SLC44A1: variants seen among roughly 807,000 people sequenced by gnomAD.
SLC44A1 encodes the protein solute carrier family 44 member 1, also known as choline transporter-like protein 1.
In SLC44A1, 26 loss-of-function variants were observed where a neutral mutation model predicts 79.3. The ratio of observed to expected loss-of-function variants is 0.33; its 90% CI spans 0.24 to 0.46. SLC44A1 has a LOEUF of 0.46. Ranked by LOEUF, SLC44A1 falls within the 20% of genes least tolerant of loss-of-function variation. The pLI is 1.00. For synonymous variants in SLC44A1, 263 were observed against 286.2 expected, an observed-to-expected ratio of 0.92 and a Z score of 0.82; for missense variants, 688 against 798.1, an observed-to-expected ratio of 0.86 and a Z score of 1.66.
chr9:105,406,840 A>G (rs2131503252), intron 15 of SLC44A1, among the ~76,000 whole-genome samples: 1 of 152,342 alleles, frequency 6.6e-6, no homozygotes, highest in Non-Finnish European at 1.5e-5. Context: ...AAATATGCTC[A>G]AAGACACAAA....
chr9:105,406,022 G>A (rs1410823251), intron 15 of SLC44A1, among the ~76,000 whole-genome samples: 2 of 152,126 alleles, frequency 1.3e-5, no homozygotes, highest in East Asian at 1.9e-4. Context: ...CTAACCTTTC[G>A]ATGCAAGCAG....
At position 105,244,859 on chromosome 9, in the gene SLC44A1, C is replaced by G; in HGVS notation, c.-10C>G. 8.8e-7 allele frequency: 1 copy of G among 1,141,448 alleles called. No homozygotes were observed. The highest frequency in any genetic ancestry group is 1.1e-6 in the Non-Finnish European group (1 of 931,610). The allele number at this position is 1,141,448 out of a possible 1,614,324, so 70.7% of individuals were successfully genotyped here. ...GCCCGGCGCCGCCTCCGGGCTCCTT[C>G]GGCCCCGCCATGGGCTGCTGCAGCT... On this transcript the variant is annotated 5_prime_UTR_variant, in exon 1 of 16. Coordinates refer to ENST00000374720, the MANE Select transcript of SLC44A1 (RefSeq NM_080546.5).
intron 1 of SLC44A1, among the ~76,000 whole-genome samples, chr9:105,286,009 G>C (rs1218729708): frequency 6.6e-6 from 1 of 152,174 alleles, no homozygotes; most frequent in African/African-American, 2.4e-5. Flanking sequence ...GCTGAGATGG[G>C]AGAATCACTT....
chr9:105,352,312 T>C lies in SLC44A1; in HGVS notation c.500+3861T>C, dbSNP rs558615142. ...ATAACCTGAGGTTCTAGAGTAATTA[T>C]ATGAGATGCAGACCCCTGCCTTCTT... On this transcript the variant is annotated intron_variant, in intron 5 of 15. Transcript: ENST00000374720. Among the ~76,000 whole-genome samples the C allele has an allele frequency of 3.3e-5, 5 of 152,284 alleles. 1 individual carries two copies. The South Asian group carries it at 1.0e-3, about 32-fold the overall frequency.
In SLC44A1 at chr9:105,433,168, C is replaced by T. The variant is rs558997296; in HGVS notation, c.1951-5113C>T. Reference sequence around the variant, plus strand: ...AAAATTAGCCGGGTATGGTAGTGTGCGCCTGTAATCCCAGCTACTCGGGAG... The same window carrying T: ...AAAATTAGCCGGGTATGGTAGTGTGTGCCTGTAATCCCAGCTACTCGGGAG... On this transcript the variant is annotated intron_variant, in intron 15 of 15. Coordinates refer to the SLC44A1 transcript ENST00000374724. Among the ~76,000 whole-genome samples, 872 of 151,930 alleles carry T rather than the reference C, an allele frequency of 5.7e-3. 15 individuals carry two copies. Among genetic ancestry groups the T allele is most frequent in the Non-Finnish European group, 3.2e-3 (218 of 67,976 alleles).
At chr9:105,332,005 T>A (rs1352598373) in intron 3 of SLC44A1, among the ~76,000 whole-genome samples, 1 of 152,136 alleles carries the variant, frequency 6.6e-6, no homozygotes, top group African/African-American at 2.4e-5. Flanking sequence ...GTTAATAGAA[T>A]CTGAACCTAA....
At chr9:105,412,944 A>G (rs1829116956) in intron 15 of SLC44A1, among the ~76,000 whole-genome samples, 1 of 152,154 alleles carries the variant, frequency 6.6e-6, no homozygotes, top group Non-Finnish European at 1.5e-5. Flanking sequence ...CACCTGGAAT[A>G]TAAATGAATG....
chr9:105,376,063 A>G (rs923117362), intron 13 of SLC44A1, among the ~76,000 whole-genome samples: 7 of 152,176 alleles, frequency 4.6e-5, no homozygotes, highest in Middle Eastern at 3.4e-3. Flanking sequence ...ACCAAATACT[A>G]TTTGTAAACA....
chr9:105,411,692 C>T (rs1041421665), intron 15 of SLC44A1, among the ~76,000 whole-genome samples: 2 of 152,026 alleles, frequency 1.3e-5, no homozygotes, highest in African/African-American at 4.8e-5. Flanking sequence ...AAGAGTCAGG[C>T]CATTTATTTT....
chr9:105,426,976 C>T (rs1342241348), intron 15 of SLC44A1, among the ~76,000 whole-genome samples: 3 of 151,382 alleles, frequency 2.0e-5, no homozygotes, highest in African/African-American at 7.3e-5. Flanking sequence ...TGCTTTGTTG[C>T]CCAGGCTGGA....
At chr9:105,309,064 A>T (rs994739410) in intron 2 of SLC44A1, among the ~76,000 whole-genome samples, 41 of 152,294 alleles carry the variant, frequency 2.7e-4, no homozygotes, top group African/African-American at 8.9e-4. Context: ...TCCAGTCTTC[A>T]ATATTAAGAG....
At chr9:105,331,375 A>G (rs993454737) in intron 3 of SLC44A1, among the ~76,000 whole-genome samples, 6 of 152,170 alleles carry the variant, frequency 3.9e-5, no homozygotes, top group Admixed American at 1.3e-4. Context: ...ACTGCGTGTT[A>G]CCCTCTCAGC....
chr9:105,261,002 CTGA>C, intron 1 of SLC44A1, among the ~76,000 whole-genome samples: 1 of 152,258 alleles, frequency 6.6e-6, no homozygotes, highest in East Asian at 1.9e-4. Flanking sequence ...GTTTGTGGTG[CTGA>C]TACTTGTCAA....
rs1169575233 is a variant in SLC44A1 at position 105,397,145 on chromosome 9, C to T, written c.*8089C>T. The T allele has an allele frequency of 4.1e-6, 4 of 985,250 alleles. No individual in the cohort carries two copies. Among genetic ancestry groups the T allele is most frequent in the Non-Finnish European group, 4.8e-6 (4 of 829,906 alleles). 61.0% of individuals were successfully genotyped at this position (985,250 alleles called of 1,614,324 possible). A position where few individuals can be genotyped will look rare whatever the true frequency, so the allele number is the denominator to read the frequency against. On this transcript the variant is annotated 3_prime_UTR_variant, in exon 16 of 16. Coordinates refer to ENST00000374720, the MANE Select transcript of SLC44A1 (RefSeq NM_080546.5). The stretch of plus-strand genomic sequence containing the variant: ...AATTGGATGGAATTCCATCTGGCTT[C>T]AGAGAACAATCAGCCTATATGAAAC...
chr9:105,309,725 G>T lies in SLC44A1; in HGVS notation c.128G>T (p.Gly43Val), dbSNP rs1348070458. The T allele has an allele frequency of 6.2e-7, 1 of 1,613,462 alleles. No individual in the cohort carries two copies. The highest frequency in any genetic ancestry group is 8.5e-7 in the Non-Finnish European group (1 of 1,179,604). The change falls in exon 3 of 16, where the codon GGA becomes GTA. Residue 43 changes from glycine (G) to valine (V), a missense_variant and splice_region_variant. By Grantham distance (109) the Gly-to-Val change is moderately radical. Coordinates refer to ENST00000374720, the MANE Select transcript of SLC44A1 (RefSeq NM_080546.5). The stretch of plus-strand genomic sequence containing the variant: ...TGTTTTTTTCTGTTTCTTTCCTAGG[G>T]ATTTATTTGTGGCTTTTCAATAGCA... ...LLFILFCIGM[G>V]FICGFSIATG...
rs1436123087 is a variant in SLC44A1, at chr9:105,397,087, A to T, written c.*8031A>T. 8.1e-6 allele frequency: 8 copies of T among 985,332 alleles called. No homozygotes were observed. The highest frequency in any genetic ancestry group is 9.6e-6 in the Non-Finnish European group (8 of 829,940). 61.0% of individuals were successfully genotyped at this position (985,332 alleles called of 1,614,324 possible). On this transcript the variant is annotated 3_prime_UTR_variant, in exon 16 of 16. Transcript: ENST00000374720. ...AACTTTCTGGAGTTGGAGTTATCAA[A>T]TCTTGCTGGGAAATTAACTTCCAAG...
In SLC44A1 at chr9:105,395,751, TAAATC is replaced by T; in HGVS notation, c.*6697_*6701del. On this transcript the variant is annotated 3_prime_UTR_variant, in exon 16 of 16. Transcript: ENST00000374720. ...GAACTGTCGTTTCAGGAGCATGTGT[TAAATC>T]ATATGAGTAAAAAAAAAGTAGACAT... is the stretch of plus-strand genomic sequence containing the variant. 1.0e-6 allele frequency: 1 copy of T among 985,064 alleles called. No individual in the cohort carries two copies. Among genetic ancestry groups the T allele is most frequent in the South Asian group, 4.7e-5 (1 of 21,272 alleles). 61.0% of individuals were successfully genotyped at this position (985,064 alleles called of 1,614,324 possible). A position where few individuals can be genotyped will look rare whatever the true frequency, so the allele number is the denominator to read the frequency against.
chr9:105,287,425 T>A (rs941335363), intron 1 of SLC44A1, among the ~76,000 whole-genome samples: 1 of 152,244 alleles, frequency 6.6e-6, no homozygotes, highest in African/African-American at 2.4e-5. Context: ...TGGTTGTATT[T>A]CCCTTACAAC....
intron 4 of SLC44A1, among the ~76,000 whole-genome samples, chr9:105,348,086 C>A (rs1827293979): frequency 6.6e-6 from 1 of 151,990 alleles, no homozygotes; most frequent in African/African-American, 2.4e-5. Flanking sequence ...TGTCATCTTG[C>A]AGAGAACCTG....
Sources: gnomAD v4.1 joint callset for allele counts (sites outside exome capture counted in the v4.1 genomes callset) on GRCh38, gnomAD v4.1.1 for gene constraint, MANE v1.5 for transcripts, NCBI Gene and HGNC (gene_info 2026-07-23, HGNC 2026-07-21) for gene names.